Variants in SLC12A5 observed in about 807,000 individuals in gnomAD.
The protein encoded by SLC12A5 is solute carrier family 12 member 5.
In SLC12A5, 18 loss-of-function variants were observed where a neutral mutation model predicts 124.0. The ratio of observed to expected loss-of-function variants is 0.15; its 90% CI spans 0.10 to 0.22. SLC12A5 has a LOEUF of 0.22. Ranked by LOEUF, SLC12A5 falls within the 10% of genes least tolerant of loss-of-function variation. SLC12A5 has a pLI of 1.00. For missense variants in SLC12A5, 867 were observed against 1,478.7 expected, an observed-to-expected ratio of 0.59 and a Z score of 6.78; for synonymous variants, 589 against 568.0, an observed-to-expected ratio of 1.04 and a Z score of -0.53.
chr20:46,058,331 C>A lies in SLC12A5; in HGVS notation c.*726C>A, dbSNP rs1368302121. The stretch of plus-strand genomic sequence containing the variant: ...GGGTCGTGGCCTCGTTCCCTCGACA[C>A]CTCCGTCCTGCTCTCGCCTCTTCGC... On this transcript the variant is annotated 3_prime_UTR_variant, in exon 26 of 26. Coordinates refer to ENST00000243964, the MANE Select transcript of SLC12A5 (RefSeq NM_020708.5). The surrounding 1 kb of genome is among the most constrained non-coding windows in gnomAD (Gnocchi z 5.8). The A allele has an allele frequency of 5.0e-6, 2 of 397,838 alleles. No homozygotes were observed. The highest frequency in any genetic ancestry group is 2.1e-5 in the African/African-American group (1 of 48,648). 24.6% of individuals were successfully genotyped at this position (397,838 alleles called of 1,614,324 possible).
At chr20:46,039,621 A>G (rs537687978) in intron 6 of SLC12A5, among the ~76,000 whole-genome samples, 2 of 152,266 alleles carry the variant, frequency 1.3e-5, no homozygotes, top group South Asian at 4.1e-4. Context: ...CTAAAAATAC[A>G]AAAATTAGCC....
chr20:46,051,809 T>G lies in SLC12A5; in HGVS notation c.2316T>G (p.Leu772=). 6.3e-7 allele frequency: 1 copy of G among 1,593,326 alleles called. No individual in the cohort carries two copies. Among genetic ancestry groups the G allele is most frequent in the Non-Finnish European group, 8.5e-7 (1 of 1,171,972 alleles). The change falls in exon 18 of 26, where the codon CTT becomes CTG. Residue 772 remains leucine (L), a synonymous_variant. Transcript: ENST00000243964. ...GLGGLQHNTV[L]VGWPRNWRQK... ...GGGGGCTGCAGCACAACACTGTGCT[T>G]GTTGGCTGGCCCCGCAACTGGCGCC...
Position 46,043,701 on chromosome 20 carries a change from A to C in SLC12A5, c.1306A>C (p.Ile436Leu). 1 of 1,614,188 alleles carries C rather than the reference A, an allele frequency of 6.2e-7. No individual in the cohort carries two copies. Reference protein sequence around the residue: ...DAQKSIPTGTILAIATTSAVY... With the variant: ...DAQKSIPTGTLLAIATTSAVY... ...CCAGAAGTCAATCCCCACTGGCACC[A>C]TCCTGGCCATCGCCACCACCTCTGC... The change falls in exon 10 of 26, where the codon ATC becomes CTC. Residue 436 changes from isoleucine to leucine, a missense_variant. Coordinates refer to ENST00000243964, the MANE Select transcript of SLC12A5 (RefSeq NM_020708.5).
intron 11 of SLC12A5, chr20:46,044,662 G>C: frequency 2.5e-6 from 1 of 399,428 alleles, no homozygotes; most frequent in East Asian, 5.9e-5. Flanking sequence ...TGGTGTAGGA[G>C]GTCCTCTCAG....
upstream of SLC12A5, among the ~76,000 whole-genome samples, chr20:46,026,760 G>T (rs1292382275): frequency 3.3e-5 from 5 of 152,282 alleles, no homozygotes; most frequent in East Asian, 7.7e-4. Flanking sequence ...CAGAGAATTT[G>T]GGGGCAGAGG....
chr20:46,022,327 G>T (rs992115526), intron 1 of SLC12A5, among the ~76,000 whole-genome samples: 1 of 151,506 alleles, frequency 6.6e-6, no homozygotes, highest in Non-Finnish European at 1.5e-5. Flanking sequence ...CTAAAGGGGA[G>T]GCGGCGGGAC....
At chr20:46,054,714 C>T (rs994503140) in intron 20 of SLC12A5, among the ~76,000 whole-genome samples, 1 of 152,216 alleles carries the variant, frequency 6.6e-6, no homozygotes, top group African/African-American at 2.4e-5. Flanking sequence ...AGCTGCCTGC[C>T]TTGCAAGAGC....
At chr20:46,042,365 C>T (rs1367579984) in intron 8 of SLC12A5, among the ~76,000 whole-genome samples, 4 of 152,114 alleles carry the variant, frequency 2.6e-5, no homozygotes, top group African/African-American at 9.6e-5. Flanking sequence ...AGGCAGGGGG[C>T]CCAGGAAGGG....
At chr20:46,037,433 T>C (rs1169248254) in intron 6 of SLC12A5, 48 bp downstream of exon 6, 3 of 1,568,630 alleles carry the variant, frequency 1.9e-6, no homozygotes, top group East Asian at 4.6e-5. Flanking sequence ...TGTCAGTCAG[T>C]TAATCAGTGC....
At chr20:46,032,376 G>C (rs570473107) in intron 1 of SLC12A5, among the ~76,000 whole-genome samples, 99 of 152,356 alleles carry the variant, frequency 6.5e-4, no homozygotes, top group Non-Finnish European at 1.2e-3. Flanking sequence ...CCCTAAGAGG[G>C]GATGCTGCGG....
chr20:46,030,216 CGGGGCGGG>C (rs2084436508), intron 1 of SLC12A5, among the ~76,000 whole-genome samples: 2 of 143,372 alleles, frequency 1.4e-5, no homozygotes, highest in Admixed American at 1.4e-4. Context: ...CGGTCCAGGG[CGGGGCGGG>C]GGGGAGTCTT....
At chr20:46,051,959 G>A (rs2084650845) in intron 18 of SLC12A5, 89 bp downstream of exon 18, 1 of 1,181,556 alleles carries the variant, frequency 8.5e-7, no homozygotes, top group Non-Finnish European at 1.1e-6. Flanking sequence ...TTGGGCCTGA[G>A]GGGTTTCCCA....
intron 21 of SLC12A5, among the ~76,000 whole-genome samples, 185 bp downstream of exon 21, chr20:46,055,208 C>T (rs2084679097): frequency 6.6e-6 from 1 of 152,204 alleles, no homozygotes; most frequent in South Asian, 2.1e-4. Flanking sequence ...AGCTTCACTG[C>T]CAACCTCCCA....
rs773020638 is a variant in SLC12A5 at position 46,045,497 on chromosome 20, G to A, written c.1569+357G>A. On this transcript the variant is annotated intron_variant, in intron 12 of 25. Coordinates refer to ENST00000243964, the MANE Select transcript of SLC12A5 (RefSeq NM_020708.5). This position sits in a 1 kb window ranked among gnomAD's most constrained non-coding sequence, Gnocchi z 4.9. ...CCCTGTTTTGGCACTGTGGTTGGTCGGAGACCTGGGGAGGCAGTCAAAGGG... is the reference window on the plus strand; with the variant it reads ...CCCTGTTTTGGCACTGTGGTTGGTCAGAGACCTGGGGAGGCAGTCAAAGGG... Among the ~76,000 whole-genome samples the A allele has an allele frequency of 2.0e-4, 31 of 152,096 alleles. No homozygotes were observed. Among genetic ancestry groups the A allele is most frequent in the African/African-American group, 7.0e-4 (29 of 41,410 alleles).
intron 16 of SLC12A5, 85 bp from the exon 17 acceptor site, chr20:46,049,537 G>A (rs773056406): frequency 6.7e-7 from 1 of 1,500,226 alleles, no homozygotes; most frequent in Non-Finnish European, 9.0e-7. Context: ...GAGGAGAGAT[G>A]GCTAGATGAC....
chr20:46,026,239 G>A (rs2084397576), upstream of SLC12A5, among the ~76,000 whole-genome samples: 1 of 152,214 alleles, frequency 6.6e-6, no homozygotes, highest in Non-Finnish European at 1.5e-5. Context: ...GACATATGGT[G>A]GGAGGGGGTA....
intron 21 of SLC12A5, 92 bp downstream of exon 21, chr20:46,055,115 A>C: frequency 1.2e-6 from 1 of 850,936 alleles, no homozygotes; most frequent in Non-Finnish European, 2.0e-6. Context: ...CACTCCTGGC[A>C]TTTCAACTTC....
chr20:46,023,338 C>T (rs2084371837), intron 2 of SLC12A5: 2 of 398,550 alleles, frequency 5.0e-6, no homozygotes, highest in Non-Finnish European at 8.8e-6. Context: ...AATTCTGGAG[C>T]CATTCTCAAC....
rs1254531482 is a variant in SLC12A5, at chr20:46,043,177, C to T, written c.1091C>T (p.Thr364Ile). The T allele has an allele frequency of 1.2e-6, 2 of 1,613,806 alleles. No homozygotes were observed. The highest frequency in any genetic ancestry group is 1.7e-6 in the Non-Finnish European group (2 of 1,179,956). The change falls in exon 9 of 26, where the codon ACC becomes ATC. Residue 364 changes from threonine to isoleucine, a missense_variant. Thr to Ile is a moderately conservative substitution (Grantham distance 89). Transcript: ENST00000243964. ...IKENLWSSYL[T>I]KGVIVERSGM... ...GAGAACCTCTGGAGCTCCTACCTGA[C>T]CAAGGGCGTGATTGTGGAGAGGAGT... is the stretch of plus-strand genomic sequence containing the variant.
Sources: gnomAD v4.1 joint callset for allele counts (sites outside exome capture counted in the v4.1 genomes callset) on GRCh38, gnomAD v4.1.1 for gene constraint, Gnocchi (gnomAD v3.1) non-coding constraint, MANE v1.5 for transcripts, NCBI Gene and HGNC (gene_info 2026-07-23, HGNC 2026-07-21) for gene names.